Variants in TRAPPC9 observed in about 807,000 individuals in gnomAD.
The protein encoded by TRAPPC9 is IKK2 binding protein.
TRAPPC9 carries 83 observed loss-of-function variants against 124.0 expected under a neutral mutation model. The ratio of observed to expected loss-of-function variants is 0.67; its 90% CI spans 0.56 to 0.80. The LOEUF (loss-of-function observed/expected upper bound fraction) is 0.80. Among genes scored for constraint, TRAPPC9 ranks in the 30% least tolerant of loss-of-function variants. The pLI, the probability that TRAPPC9 is intolerant of heterozygous loss-of-function variation, is 0.00. For synonymous variants in TRAPPC9, 638 were observed against 617.5 expected (o/e 1.03, Z -0.49); for missense variants, 1,302 against 1,508.3 (o/e 0.86, Z 2.27).
At chr8:139,874,117 C>G (rs1829171625) in intron 21 of TRAPPC9, among the ~76,000 whole-genome samples, 1 of 152,236 alleles carries the variant, frequency 6.6e-6, no homozygotes, top group Non-Finnish European at 1.5e-5. Context: ...TGGGAACTGA[C>G]CAGGGCTGTC....
intron 17 of TRAPPC9, among the ~76,000 whole-genome samples, chr8:140,144,702 G>A (rs1192548556): frequency 6.6e-6 from 1 of 152,068 alleles, no homozygotes; most frequent in Non-Finnish European, 1.5e-5. Context: ...GGTCAGGCTG[G>A]TCTCAAACTC....
At chr8:140,422,520 G>A (rs1331056802) in intron 5 of TRAPPC9, among the ~76,000 whole-genome samples, 4 of 152,152 alleles carry the variant, frequency 2.6e-5, no homozygotes, top group East Asian at 1.9e-4. Flanking sequence ...TTGGGAGGCC[G>A]AGGTGGGCGG....
chr8:140,218,110 T>G (rs1199955775), intron 17 of TRAPPC9, among the ~76,000 whole-genome samples: 1 of 151,508 alleles, frequency 6.6e-6, no homozygotes, highest in Non-Finnish European at 1.5e-5. Flanking sequence ...TCGCAGCTGG[T>G]CTCACAGCAA....
At chr8:140,010,051 C>T (rs1296203371) in intron 18 of TRAPPC9, among the ~76,000 whole-genome samples, 1 of 152,124 alleles carries the variant, frequency 6.6e-6, no homozygotes, top group African/African-American at 2.4e-5. Context: ...AAATGACAGA[C>T]CAAAATCTAG....
At chr8:140,352,411 G>A (rs975121003) in intron 9 of TRAPPC9, among the ~76,000 whole-genome samples, 2 of 152,304 alleles carry the variant, frequency 1.3e-5, no homozygotes, top group South Asian at 4.1e-4. Flanking sequence ...ACAACCTCAA[G>A]GTCTACCAGC....
rs1338649312 is a variant in TRAPPC9, at chr8:139,960,944, C to G, written c.2810+27782G>C. 3.2e-5 allele frequency among the ~76,000 whole-genome samples: 4 copies of G among 125,330 alleles called. 1 individual carries two copies. The highest frequency in any genetic ancestry group is 1.0e-4 in the African/African-American group (4 of 39,534). 82.2% of individuals were successfully genotyped at this position (125,330 alleles called of 152,430 possible). A position where few individuals can be genotyped will look rare whatever the true frequency, so the allele number is the denominator to read the frequency against. Reference sequence around the variant, plus strand: ...TAACCCCTAACGTTTTAGGATTTCCCTTCAGGGTCCACGTGTCCCCAATAC... The same window carrying G: ...TAACCCCTAACGTTTTAGGATTTCCGTTCAGGGTCCACGTGTCCCCAATAC... On this transcript the variant is annotated intron_variant, in intron 19 of 22. Coordinates refer to ENST00000438773, the MANE Select transcript of TRAPPC9 (RefSeq NM_001160372.4).
rs985489931 is a variant in TRAPPC9 at position 139,776,356 on chromosome 8, A to G, written c.3056-44154T>C. Among the ~76,000 whole-genome samples the G allele has an allele frequency of 2.0e-4, 30 of 152,232 alleles. No individual in the cohort carries two copies. The highest frequency in any genetic ancestry group is 4.3e-4 in the Non-Finnish European group (29 of 68,036). ...GTGACGTCATCTCACTCGTCACAAC[A>G]TAGTATTGATCGGTTTGTCCTCCGT... On this transcript the variant is annotated intron_variant, in intron 21 of 22. Coordinates refer to ENST00000438773, the MANE Select transcript of TRAPPC9 (RefSeq NM_001160372.4). This position sits in a 1 kb window ranked among gnomAD's most constrained non-coding sequence, Gnocchi z 4.1.
chr8:140,085,775 G>A (rs1004360539), intron 17 of TRAPPC9, among the ~76,000 whole-genome samples: 4 of 152,186 alleles, frequency 2.6e-5, no homozygotes, highest in South Asian at 2.1e-4. Context: ...GTGGGTAATC[G>A]TGTCCCGATC....
At chr8:139,934,377 G>A (rs1563933413) in intron 19 of TRAPPC9, among the ~76,000 whole-genome samples, 1 of 152,200 alleles carries the variant, frequency 6.6e-6, no homozygotes, top group Non-Finnish European at 1.5e-5. Context: ...TGTCATTACA[G>A]TTAGCAGTGA....
intron 19 of TRAPPC9, among the ~76,000 whole-genome samples, chr8:139,928,771 G>A (rs1247177496): frequency 6.6e-6 from 1 of 150,796 alleles, no homozygotes; most frequent in African/African-American, 2.4e-5. Context: ...GGAATCCCAA[G>A]GCACCGTACA....
rs541944165 is a variant in TRAPPC9 at position 139,920,714 on chromosome 8, T to C, written c.2811-10414A>G. 3.3e-5 allele frequency among the ~76,000 whole-genome samples: 5 copies of C among 152,346 alleles called. No individual in the cohort carries two copies. In the East Asian group the frequency reaches 9.6e-4, roughly 29 times the overall value. ...CCAAAGCGTCATGTTCAGCTCACAG[T>C]AAGCTGGAAAAAATCTGCTACCACA... On this transcript the variant is annotated intron_variant, in intron 19 of 22. Transcript: ENST00000438773.
At chr8:140,453,514 C>T (rs564374818) in intron 1 of TRAPPC9, among the ~76,000 whole-genome samples, 1 of 151,908 alleles carries the variant, frequency 6.6e-6, no homozygotes, top group South Asian at 2.1e-4. Context: ...GGGGGCTATC[C>T]TGGACATCAC....
chr8:140,026,241 C>T (rs184170587), intron 17 of TRAPPC9, among the ~76,000 whole-genome samples: 167 of 152,274 alleles, frequency 1.1e-3, no homozygotes, highest in African/African-American at 3.8e-3. Context: ...CTCATCCATT[C>T]GTCTGTCAGC....
At position 140,439,176 on chromosome 8, in the gene TRAPPC9, T is replaced by C. The variant is rs2070923672; in HGVS notation, c.606A>G (p.Gln202=). The C allele has an allele frequency of 6.2e-7, 1 of 1,614,184 alleles. No individual in the cohort carries two copies. Among genetic ancestry groups the C allele is most frequent in the Admixed American group, 1.7e-5 (1 of 60,016 alleles). Residue 202 remains glutamine (Q), a synonymous_variant, in exon 3 of 23, where the codon CAA becomes CAG. Transcript: ENST00000438773. ...TDSRHYKKRC[Q]GRMRKHVGDL... is the part of the protein sequence containing the mutation. ...CCCCCACGTGCTTCCGCATGCGGCCTTGGCACCGCTTCTTGTAATGTCTAG... is the reference window on the plus strand; with the variant it reads ...CCCCCACGTGCTTCCGCATGCGGCCCTGGCACCGCTTCTTGTAATGTCTAG...
At position 140,241,478 on chromosome 8, in the gene TRAPPC9, T is replaced by C. The variant is rs1587995506; in HGVS notation, c.2431+11299A>G. On this transcript the variant is annotated intron_variant, in intron 16 of 22. Coordinates refer to ENST00000438773, the MANE Select transcript of TRAPPC9 (RefSeq NM_001160372.4). This position sits in a 1 kb window ranked among gnomAD's most constrained non-coding sequence, Gnocchi z 5.0. ...TTGGGAGGCTGAGGTGGGTGAATCATGAGGTGAAGGGATCAAGACTATCCT... is the reference window on the plus strand; with the variant it reads ...TTGGGAGGCTGAGGTGGGTGAATCACGAGGTGAAGGGATCAAGACTATCCT... Among the ~76,000 whole-genome samples, 1 of 151,400 alleles carries C rather than the reference T, an allele frequency of 6.6e-6. No individual in the cohort carries two copies. The highest frequency in any genetic ancestry group is 2.4e-5 in the African/African-American group (1 of 41,114).
intron 21 of TRAPPC9, among the ~76,000 whole-genome samples, chr8:139,863,304 A>C (rs1412561571): frequency 6.6e-6 from 1 of 152,190 alleles, no homozygotes; most frequent in African/African-American, 2.4e-5. Flanking sequence ...CAGGACTTGC[A>C]GAGACGGAAA....
intron 19 of TRAPPC9, among the ~76,000 whole-genome samples, chr8:139,966,990 A>T (rs1173477794): frequency 1.3e-5 from 2 of 152,252 alleles, no homozygotes; most frequent in African/African-American, 4.8e-5. Context: ...AAAGAGAGCA[A>T]AAAGTCAACG....
chr8:140,323,871 G>A (rs1219228963), intron 9 of TRAPPC9, among the ~76,000 whole-genome samples: 1 of 149,112 alleles, frequency 6.7e-6, no homozygotes, highest in Non-Finnish European at 1.5e-5. Context: ...TATACTCTCA[G>A]GAAACAAACT....
At chr8:139,787,619 T>A (rs1438210071) in intron 21 of TRAPPC9, among the ~76,000 whole-genome samples, 1 of 152,198 alleles carries the variant, frequency 6.6e-6, no homozygotes, top group Non-Finnish European at 1.5e-5. Flanking sequence ...TACACAGAAT[T>A]TCTTTCTACA....
Sources: allele counts gnomAD v4.1 joint callset (sites outside exome capture counted in the v4.1 genomes callset), GRCh38; gene constraint gnomAD v4.1.1; non-coding constraint Gnocchi (gnomAD v3.1); transcripts MANE v1.5; gene names NCBI Gene and HGNC (gene_info 2026-07-23, HGNC 2026-07-21).